CDC20B: variants seen among roughly 807,000 people sequenced by gnomAD.
The protein encoded by CDC20B is cell division cycle 20B, also known as cell division cycle protein 20 homolog B.
CDC20B carries 58 observed loss-of-function variants against 64.1 expected under a neutral mutation model. That is an observed-to-expected ratio of 0.90 (90% CI 0.73 to 1.13). The LOEUF (loss-of-function observed/expected upper bound fraction) is 1.13. Ranked by LOEUF, CDC20B falls within the 50% of genes most tolerant of loss-of-function variation. The pLI is 0.00. For missense variants in CDC20B, 597 were observed against 633.0 expected, an observed-to-expected ratio of 0.94 and a Z score of 0.61; for synonymous variants, 243 against 230.6, an observed-to-expected ratio of 1.05 and a Z score of -0.49.
intron 5 of CDC20B, among the ~76,000 whole-genome samples, chr5:55,134,124 TG>T (rs1247800517): frequency 6.6e-6 from 1 of 152,202 alleles, no homozygotes; most frequent in Non-Finnish European, 1.5e-5. Flanking sequence ...TTCTATCTTT[TG>T]TTCAGTTCTC....
chr5:55,171,343 AGC>A (rs1744592906), intron 2 of CDC20B, among the ~76,000 whole-genome samples: 1 of 152,204 alleles, frequency 6.6e-6, no homozygotes, highest in Admixed American at 6.5e-5. Flanking sequence ...ACTTAACTAT[AGC>A]TTTTCAAATC....
chr5:55,126,466 CAAAA>C (rs34581363), intron 8 of CDC20B: 619 of 98,052 alleles, frequency 6.3e-3, no homozygotes, highest in South Asian at 0.021. Flanking sequence ...GATTCCATGT[CAAAA>C]AAAAAAAAAA....
intron 5 of CDC20B, among the ~76,000 whole-genome samples, chr5:55,135,538 G>A (rs1373441663): frequency 1.3e-5 from 2 of 152,058 alleles, no homozygotes; most frequent in Non-Finnish European, 2.9e-5. Flanking sequence ...AGAACATTTA[G>A]AAGGCCTGAA....
chr5:55,164,323 G>C, intron 2 of CDC20B: 1 of 784,812 alleles, frequency 1.3e-6, no homozygotes, highest in South Asian at 3.7e-5. Flanking sequence ...TGTCACCCAG[G>C]CTGGAGTGCA....
Position 55,113,357 on chromosome 5 carries a change from G to C in CDC20B, c.*861C>G, listed in dbSNP as rs899398459. 3 of 152,276 alleles carry C rather than the reference G, an allele frequency of 2.0e-5. No homozygotes were observed. The highest frequency in any genetic ancestry group is 4.4e-5 in the Non-Finnish European group (3 of 68,104). 9.4% of individuals were successfully genotyped at this position (152,276 alleles called of 1,614,324 possible). ...TTATGGCAGAGCCAAGGCAAAAAAA[G>C]ATCTCCTAACTTCAAGTCCTGGGCT... On this transcript the variant is annotated 3_prime_UTR_variant, in exon 12 of 12. Transcript: ENST00000381375.
intron 2 of CDC20B, chr5:55,160,379 G>C: frequency 6.2e-7 from 1 of 1,612,338 alleles, no homozygotes; most frequent in Non-Finnish European, 8.5e-7. Flanking sequence ...TGTTTCTCTG[G>C]AAAAGTATAA....
At position 55,130,041 on chromosome 5, in the gene CDC20B, C is replaced by A. The variant is rs557586417; in HGVS notation, c.698-1424G>T. ...AAGACTTTAAAGCAGCCATTATATT[C>A]TCCATGAAGTGAAGAAAAACACACA... On this transcript the variant is annotated intron_variant, in intron 6 of 11. Transcript: ENST00000381375. 3.7e-4 allele frequency among the ~76,000 whole-genome samples: 57 copies of A among 152,258 alleles called. 2 individuals carry two copies. The South Asian group carries it at 0.011, about 30-fold the overall frequency.
chr5:55,140,425 T>A lies in CDC20B; in HGVS notation c.487-18A>T. The A allele has an allele frequency of 1.3e-6, 2 of 1,535,780 alleles. No homozygotes were observed. The highest frequency in any genetic ancestry group is 1.8e-6 in the Non-Finnish European group (2 of 1,112,944). On this transcript the variant is annotated intron_variant, in intron 4 of 11. Coordinates refer to ENST00000381375, the MANE Select transcript of CDC20B (RefSeq NM_001170402.1). ...AGGCATTTCTGAAAATAAACACACA[T>A]AAGGAGAATATTTCTTTAAAAACAT... is the stretch of plus-strand genomic sequence containing the variant.
intron 2 of CDC20B, among the ~76,000 whole-genome samples, chr5:55,159,570 A>T (rs1733525847): frequency 6.6e-6 from 1 of 152,078 alleles, no homozygotes; most frequent in Non-Finnish European, 1.5e-5. Context: ...TTCTTTTAAC[A>T]CCTTCACTGT....
intron 8 of CDC20B, among the ~76,000 whole-genome samples, chr5:55,126,977 C>T (rs958325697): frequency 2.6e-5 from 4 of 152,114 alleles, no homozygotes; most frequent in African/African-American, 9.7e-5. Context: ...TATTACTTAG[C>T]ACAGAGAAAC....
intron 2 of CDC20B, among the ~76,000 whole-genome samples, chr5:55,151,786 G>T (rs1192514959): frequency 6.6e-6 from 1 of 152,182 alleles, no homozygotes; most frequent in Non-Finnish European, 1.5e-5. Context: ...CCTTCAGGAA[G>T]GTGTCTCTGA....
chr5:55,165,670 G>C (rs1160747376), intron 2 of CDC20B: 1 of 152,246 alleles, frequency 6.6e-6, no homozygotes, highest in Non-Finnish European at 1.5e-5. Flanking sequence ...ATATTTGGTG[G>C]AGGTGGAATT....
intron 3 of CDC20B, among the ~76,000 whole-genome samples, chr5:55,144,495 A>G (rs1024481563): frequency 1.3e-5 from 2 of 152,236 alleles, no homozygotes; most frequent in Non-Finnish European, 1.5e-5. Context: ...TGAGCTTGAT[A>G]AATTCTCACT....
chr5:55,147,604 T>G (rs1359182687), intron 2 of CDC20B, among the ~76,000 whole-genome samples: 1 of 150,870 alleles, frequency 6.6e-6, no homozygotes, highest in Non-Finnish European at 1.5e-5. Context: ...ATATGTGAAA[T>G]ATATTATTTT....
intron 2 of CDC20B, among the ~76,000 whole-genome samples, chr5:55,153,620 G>GT (rs869104592): frequency 1.8e-4 from 1 of 5,478 alleles, no homozygotes; most frequent in African/African-American, 7.2e-4. Flanking sequence ...GTGGACTGAA[G>GT]GTTTAGTCTC....
intron 2 of CDC20B, chr5:55,163,997 T>C: frequency 1.5e-6 from 2 of 1,298,852 alleles, no homozygotes; most frequent in Non-Finnish European, 2.1e-6. Context: ...CTAATAGAAG[T>C]GAAAATCTTG....
At chr5:55,146,377 G>A (rs1010650603) in intron 3 of CDC20B, among the ~76,000 whole-genome samples, 2 of 152,102 alleles carry the variant, frequency 1.3e-5, no homozygotes, top group Non-Finnish European at 2.9e-5. Context: ...ACGGTTCTTT[G>A]CACAATTAAC....
At chr5:55,140,285 GA>G (rs2111864620) in intron 5 of CDC20B, 28 bp downstream of exon 5, 1 of 1,420,876 alleles carries the variant, frequency 7.0e-7, no homozygotes, top group East Asian at 2.4e-5. Context: ...AGGAGCGCAG[GA>G]AAGAAGGACA....
At position 55,143,658 on chromosome 5, in the gene CDC20B, T is replaced by G. The variant is rs113527284; in HGVS notation, c.356-15A>C. The stretch of plus-strand genomic sequence containing the variant: ...TTTGCGGGATCCTACAAGAAAGACA[T>G]TTATCTTTGAATTTGGTTTTTAAAA... On this transcript the variant is annotated splice_polypyrimidine_tract_variant and intron_variant, in intron 3 of 11. Coordinates refer to ENST00000381375, the MANE Select transcript of CDC20B (RefSeq NM_001170402.1). The G allele has an allele frequency of 3.9e-4, 607 of 1,561,438 alleles. 3 individuals are homozygous for G. The African/African-American group carries it at 7.2e-3, about 18-fold the overall frequency.
Sources: allele counts gnomAD v4.1 joint callset (sites outside exome capture counted in the v4.1 genomes callset), GRCh38; gene constraint gnomAD v4.1.1; transcripts MANE v1.5; gene names NCBI Gene and HGNC (gene_info 2026-07-23, HGNC 2026-07-21).